PCDHGA8: variants seen among roughly 807,000 people sequenced by gnomAD.
The protein encoded by PCDHGA8 is protocadherin gamma subfamily A, 8.
A neutral mutation model predicts 59.2 loss-of-function variants in PCDHGA8; 45 were observed. The observed-to-expected ratio is 0.76, with a 90% CI of 0.60 to 0.98. The LOEUF (loss-of-function observed/expected upper bound fraction) is 0.98. Among genes scored for constraint, PCDHGA8 ranks in the 50% least tolerant of loss-of-function variants. PCDHGA8 has a pLI of 0.00. For missense variants in PCDHGA8, 1,257 were observed against 1,196.2 expected, an observed-to-expected ratio of 1.05 and a Z score of -0.75; for synonymous variants, 531 against 519.0, an observed-to-expected ratio of 1.02 and a Z score of -0.32.
At position 141,485,149 on chromosome 5, in the gene PCDHGA8, A is replaced by G; in HGVS notation, c.2425-9658A>G. 6.3e-7 allele frequency: 1 copy of G among 1,578,106 alleles called. No individual in the cohort carries two copies. Among genetic ancestry groups the G allele is most frequent in the South Asian group, 1.1e-5 (1 of 89,070 alleles). ...CGGCTTCATCCGCGTCTCAGGAGCA[A>G]GTAGAGAATTAGCGGGCGGCAGCAA... On this transcript the variant is annotated intron_variant, in intron 1 of 3. Transcript: ENST00000398604. This position sits in a 1 kb window ranked among gnomAD's most constrained non-coding sequence, Gnocchi z 5.7.
At chr5:141,501,883 G>A (rs1204174131) in intron 2 of PCDHGA8, among the ~76,000 whole-genome samples, 1 of 152,022 alleles carries the variant, frequency 6.6e-6, no homozygotes, top group African/African-American at 2.4e-5. Flanking sequence ...TTACACTCCT[G>A]ATCATCATGG....
At chr5:141,418,955 G>C in intron 1 of PCDHGA8, 4 of 1,614,050 alleles carry the variant, frequency 2.5e-6, no homozygotes, top group Non-Finnish European at 3.4e-6. Flanking sequence ...AGGAGTGGTT[G>C]TTGCCCTCTT....
chr5:141,445,302 A>C (rs2098462947), intron 1 of PCDHGA8, among the ~76,000 whole-genome samples: 1 of 152,220 alleles, frequency 6.6e-6, no homozygotes, highest in African/African-American at 2.4e-5. Flanking sequence ...CATTCTCTTC[A>C]GTTTGTAGGT....
Position 141,485,392 on chromosome 5 carries a change from A to G in PCDHGA8, c.2425-9415A>G. ...AGGTCGCTGGAGAGGTGAACCAAAG[A>G]CACTTCCGTGTGGATTTGGACAGCG... On this transcript the variant is annotated intron_variant, in intron 1 of 3. Coordinates refer to ENST00000398604, the MANE Select transcript of PCDHGA8 (RefSeq NM_032088.2). This position sits in a 1 kb window ranked among gnomAD's most constrained non-coding sequence, Gnocchi z 5.7. 1 of 1,613,918 alleles carries G rather than the reference A, an allele frequency of 6.2e-7. No homozygotes were observed. The highest frequency in any genetic ancestry group is 8.5e-7 in the Non-Finnish European group (1 of 1,179,938).
At chr5:141,455,103 C>T (rs1319698016) in intron 1 of PCDHGA8, among the ~76,000 whole-genome samples, 1 of 151,862 alleles carries the variant, frequency 6.6e-6, no homozygotes, top group South Asian at 2.1e-4. Flanking sequence ...TGAGCCACTG[C>T]GCCCGGTGGG....
chr5:141,416,718 G>T lies in PCDHGA8; in HGVS notation c.2424+21481G>T, dbSNP rs1202204760. The T allele has an allele frequency of 5.9e-5, 9 of 152,308 alleles. No homozygotes were observed. In the East Asian group the frequency reaches 1.5e-3, roughly 26 times the overall value. The allele number at this position is 152,308 out of a possible 1,614,324, so 9.4% of individuals were successfully genotyped here. On this transcript the variant is annotated intron_variant, in intron 1 of 3. Transcript: ENST00000398604. ...AAAGGATCATTGGAGGTACTGATGAGTTCATTTAGTTCAATGAAAATAGTG... is the reference window on the plus strand; with the variant it reads ...AAAGGATCATTGGAGGTACTGATGATTTCATTTAGTTCAATGAAAATAGTG...
chr5:141,416,990 A>C (rs912916110), intron 1 of PCDHGA8: 20 of 151,946 alleles, frequency 1.3e-4, no homozygotes, highest in African/African-American at 4.1e-4. Flanking sequence ...ATTATTGTGC[A>C]TTCATCTCAA....
At chr5:141,409,589 G>A (rs1487343349) in intron 1 of PCDHGA8, 12 of 1,613,758 alleles carry the variant, frequency 7.4e-6, no homozygotes, top group East Asian at 4.5e-5. Flanking sequence ...CCACGTGGCC[G>A]AGAACAACCC....
intron 2 of PCDHGA8, among the ~76,000 whole-genome samples, chr5:141,504,351 G>C (rs77439649): frequency 0.021 from 3,233 of 152,120 alleles, 109 homozygotes; most frequent in African/African-American, 0.075. Context: ...CTTTGTGCTA[G>C]GTGCTTCAGT....
rs774505854 is a variant in PCDHGA8 at position 141,490,507 on chromosome 5, G to A, written c.2425-4300G>A. The A allele has an allele frequency of 5.6e-6, 9 of 1,613,898 alleles. No individual in the cohort carries two copies. The highest frequency in any genetic ancestry group is 4.0e-5 in the African/African-American group (3 of 74,868). ...GGAGGCCACATCCCACTATATCATC[G>A]AGCTGCTGGCCAGCGATGCTGGTTC... On this transcript the variant is annotated intron_variant, in intron 1 of 3. Transcript: ENST00000398604. This position sits in a 1 kb window ranked among gnomAD's most constrained non-coding sequence, Gnocchi z 5.4.
At chr5:141,428,836 C>T (rs926107154) in intron 1 of PCDHGA8, 1 of 150,686 alleles carries the variant, frequency 6.6e-6, no homozygotes, top group African/African-American at 2.5e-5. Context: ...ATTTTTGAAA[C>T]ATTTTCACCA....
chr5:141,447,428 G>A (rs542079336), intron 1 of PCDHGA8, among the ~76,000 whole-genome samples: 4 of 152,182 alleles, frequency 2.6e-5, no homozygotes, highest in East Asian at 1.9e-4. Flanking sequence ...GTGAGCCACC[G>A]CACCCGGAGG....
chr5:141,404,796 G>T, intron 1 of PCDHGA8: 1 of 1,613,970 alleles, frequency 6.2e-7, no homozygotes, highest in Non-Finnish European at 8.5e-7. Flanking sequence ...AGTGAGCCAG[G>T]GCTCTTCTCG....
At position 141,393,004 on chromosome 5, in the gene PCDHGA8, T is replaced by C. The variant is rs781030004; in HGVS notation, c.191T>C (p.Val64Ala). The change falls in exon 1 of 4, where the codon GTC becomes GCC. Residue 64 changes from valine to alanine, a missense_variant. Physicochemically the swap from Val to Ala is moderately conservative, Grantham distance 64. Transcript: ENST00000398604. ...LDPRKLAKHGVRIVSRGRTQL... is the reference protein window; with the variant it reads ...LDPRKLAKHGARIVSRGRTQL... ...CCCCGGAAGCTGGCGAAGCACGGAG[T>C]CCGTATCGTCTCCAGAGGTAGGACG... is the stretch of plus-strand genomic sequence containing the variant. The C allele has an allele frequency of 1.2e-6, 2 of 1,613,554 alleles. No homozygotes were observed. Among genetic ancestry groups the C allele is most frequent in the Middle Eastern group, 1.7e-4 (1 of 6,046 alleles).
rs1010461527 is a variant in PCDHGA8 at position 141,393,842 on chromosome 5, T to A, written c.1029T>A (p.Asn343Lys). 1.2e-6 allele frequency: 2 copies of A among 1,613,830 alleles called. No homozygotes were observed. The highest frequency in any genetic ancestry group is 2.7e-5 in the African/African-American group (2 of 74,912). ...TTTCGGTGGAAGATGTAAATGACAATAGACCAGAAGTGATCATTACGTCTT... is the reference window on the plus strand; with the variant it reads ...TTTCGGTGGAAGATGTAAATGACAAAAGACCAGAAGTGATCATTACGTCTT... ...LLISVEDVNDNRPEVIITSLF... is the reference protein window; with the variant it reads ...LLISVEDVNDKRPEVIITSLF... Residue 343 changes from asparagine (N) to lysine (K), a missense_variant, in exon 1 of 4, where the codon AAT (asparagine) becomes AAA (lysine). Asn to Lys is a moderately conservative substitution (Grantham distance 94, BLOSUM62 0). Transcript: ENST00000398604.
chr5:141,509,068 G>T (rs1267011061), intron 3 of PCDHGA8, among the ~76,000 whole-genome samples: 1 of 152,144 alleles, frequency 6.6e-6, no homozygotes, highest in Non-Finnish European at 1.5e-5. Context: ...TCTCAGCTCC[G>T]GGGATTTGCG....
intron 1 of PCDHGA8, among the ~76,000 whole-genome samples, chr5:141,460,369 T>C (rs1048970945): frequency 2.1e-4 from 32 of 152,322 alleles, no homozygotes; most frequent in African/African-American, 7.7e-4. Flanking sequence ...AGTTTTATAG[T>C]TTTACCATTT....
chr5:141,419,645 G>T, intron 1 of PCDHGA8: 1 of 1,612,478 alleles, frequency 6.2e-7, no homozygotes, highest in African/African-American at 1.3e-5. Context: ...GGCCGTGGAC[G>T]CGGACTCGGG....
chr5:141,397,639 G>A (rs1391771739), intron 1 of PCDHGA8, among the ~76,000 whole-genome samples: 2 of 152,180 alleles, frequency 1.3e-5, no homozygotes, highest in Non-Finnish European at 2.9e-5. Context: ...AGAGTTCAAG[G>A]TATGTTTGCA....
Sources: gnomAD v4.1 joint callset for allele counts (sites outside exome capture counted in the v4.1 genomes callset) on GRCh38, gnomAD v4.1.1 for gene constraint, Gnocchi (gnomAD v3.1) non-coding constraint, MANE v1.5 for transcripts, NCBI Gene and HGNC (gene_info 2026-07-23, HGNC 2026-07-21) for gene names.